TOPAZ1: variants seen among roughly 807,000 people sequenced by gnomAD.
TOPAZ1 encodes testis and ovary specific TOPAZ 1.
A neutral mutation model predicts 172.2 loss-of-function variants in TOPAZ1; 66 were observed. The observed-to-expected ratio is 0.38, with a 90% CI of 0.31 to 0.47. The LOEUF is 0.47. Among genes scored for constraint, TOPAZ1 ranks in the 20% least tolerant of loss-of-function variants. The pLI, the probability that TOPAZ1 is intolerant of heterozygous loss-of-function variation, is 0.99. For synonymous variants in TOPAZ1, 681 were observed against 683.9 expected (o/e 1.00, Z 0.07); for missense variants, 1,822 against 1,972.4 (o/e 0.92, Z 1.44).
chr3:44,310,447 C>T (rs1700386187), intron 16 of TOPAZ1, among the ~76,000 whole-genome samples: 1 of 151,944 alleles, frequency 6.6e-6, no homozygotes, highest in Non-Finnish European at 1.5e-5. Flanking sequence ...TGCAGTGAGC[C>T]GAGATCGCGC....
intron 8 of TOPAZ1, among the ~76,000 whole-genome samples, chr3:44,276,624 CTTTTTTTTTTTTTTTT>C (rs762865769): frequency 8.3e-5 from 2 of 24,124 alleles, no homozygotes; most frequent in African/African-American, 1.9e-4. Context: ...CAGCTTTGTT[CTTTTTTTTTTTTTTTT>C]TTTTTTTTTT....
chr3:44,243,018 GAAATAA>G lies in TOPAZ1; in HGVS notation c.516_521del (p.Asn172_Lys173del). ...ATAGAAGGTATTAAAAGAAGAATTCGAAATAAAAAACTTAAAAGCTTAGAAAACCCA... is the reference window on the plus strand; with the variant it reads ...ATAGAAGGTATTAAAAGAAGAATTCGAAAACTTAAAAGCTTAGAAAACCCA... On this transcript the variant is annotated inframe_deletion, in exon 2 of 20. Transcript: ENST00000309765. 1 of 1,543,188 alleles carries G rather than the reference GAAATAA, an allele frequency of 6.5e-7. No homozygotes were observed. The highest frequency in any genetic ancestry group is 8.7e-7 in the Non-Finnish European group (1 of 1,144,980).
chr3:44,319,469 T>G (rs1457153683), intron 16 of TOPAZ1, among the ~76,000 whole-genome samples: 1 of 152,172 alleles, frequency 6.6e-6, no homozygotes, highest in Non-Finnish European at 1.5e-5. Context: ...TTTTTGTACA[T>G]GGGATATATC....
chr3:44,319,506 TTCAA>T (rs1306623461), intron 16 of TOPAZ1, among the ~76,000 whole-genome samples: 2 of 152,212 alleles, frequency 1.3e-5, no homozygotes, highest in Non-Finnish European at 2.9e-5. Context: ...ATTGAACTTA[TTCAA>T]TCAAAGTAAA....
chr3:44,335,487 G>A (rs1014992251), downstream of TOPAZ1, among the ~76,000 whole-genome samples: 11 of 152,046 alleles, frequency 7.2e-5, no homozygotes, highest in South Asian at 2.1e-4. Context: ...AGCTGGGCGC[G>A]GTGGTGCACA....
chr3:44,248,936 T>C (rs994510846), intron 2 of TOPAZ1, among the ~76,000 whole-genome samples: 11 of 152,132 alleles, frequency 7.2e-5, no homozygotes, highest in African/African-American at 2.7e-4. Context: ...TTGTTTTTAG[T>C]CTCCACAGTG....
In TOPAZ1 at chr3:44,285,847, T is replaced by C. The variant is rs560508989; in HGVS notation, c.3437-1542T>C. ...CCTCCCAAAGTGCTGGAATTACAGG[T>C]GCGAGCCACCACGCCTGGCCGAGAG... On this transcript the variant is annotated intron_variant, in intron 9 of 19. Coordinates refer to ENST00000309765, the MANE Select transcript of TOPAZ1 (RefSeq NM_001145030.2). Among the ~76,000 whole-genome samples, 3 of 151,294 alleles carry C rather than the reference T, an allele frequency of 2.0e-5. No homozygotes were observed. The South Asian group carries it at 6.3e-4, about 32-fold the overall frequency.
At chr3:44,261,399 T>C (rs896264690) in intron 4 of TOPAZ1, among the ~76,000 whole-genome samples, 1 of 152,176 alleles carries the variant, frequency 6.6e-6, no homozygotes, top group Non-Finnish European at 1.5e-5. Flanking sequence ...CCCAGCACCA[T>C]TTATTGAATA....
intron 17 of TOPAZ1, among the ~76,000 whole-genome samples, chr3:44,321,424 T>C (rs1053211744): frequency 2.6e-5 from 4 of 152,232 alleles, no homozygotes; most frequent in African/African-American, 7.2e-5. Flanking sequence ...AAGACAAGCA[T>C]TTTTATCATT....
intron 8 of TOPAZ1, among the ~76,000 whole-genome samples, chr3:44,274,173 G>A (rs1018489002): frequency 4.6e-5 from 7 of 151,278 alleles, no homozygotes; most frequent in Non-Finnish European, 1.0e-4. Context: ...ACTTTGGGAG[G>A]GTGAGGCAGG....
chr3:44,295,249 C>T (rs1700182682), intron 12 of TOPAZ1, among the ~76,000 whole-genome samples: 1 of 152,154 alleles, frequency 6.6e-6, no homozygotes, highest in African/African-American at 2.4e-5. Flanking sequence ...AACATATGCA[C>T]ACCCAAGGTT....
At chr3:44,330,031 C>T (rs1391062092) in intron 19 of TOPAZ1, among the ~76,000 whole-genome samples, 1 of 152,182 alleles carries the variant, frequency 6.6e-6, no homozygotes, top group Admixed American at 6.5e-5. Context: ...CAACAGCCTA[C>T]TATCCAAAGT....
intron 2 of TOPAZ1, among the ~76,000 whole-genome samples, chr3:44,250,511 C>T (rs1699618424): frequency 6.6e-6 from 1 of 152,022 alleles, no homozygotes; most frequent in South Asian, 2.1e-4. Flanking sequence ...TGAAAAAATT[C>T]TGAGGTTGAA....
intron 16 of TOPAZ1, among the ~76,000 whole-genome samples, chr3:44,320,290 G>GAC (rs1288330596): frequency 6.6e-6 from 1 of 151,818 alleles, no homozygotes; most frequent in Non-Finnish European, 1.5e-5. Flanking sequence ...TTTTAAAATA[G>GAC]AAAGTGTTAA....
chr3:44,310,017 A>C, intron 16 of TOPAZ1, 27 bp downstream of exon 16: 2 of 1,520,318 alleles, frequency 1.3e-6, no homozygotes, highest in Non-Finnish European at 1.8e-6. Context: ...GCAAGCATAA[A>C]ATAATTCGTT....
chr3:44,297,794 GCAGCACAAAAAT>G (rs1172597461), intron 12 of TOPAZ1, among the ~76,000 whole-genome samples: 6 of 151,542 alleles, frequency 4.0e-5, no homozygotes, highest in African/African-American at 1.5e-4. Flanking sequence ...CAGCAAGGTT[GCAGCACAAAAAT>G]CAACACAAAA....
chr3:44,250,668 G>T (rs1170413682), intron 2 of TOPAZ1, among the ~76,000 whole-genome samples: 3 of 152,154 alleles, frequency 2.0e-5, no homozygotes, highest in Non-Finnish European at 2.9e-5. Context: ...CGGCATTTTG[G>T]TTCTTCCTAT....
At position 44,270,720 on chromosome 3, in the gene TOPAZ1, T is replaced by C; in HGVS notation, c.3282T>C (p.Tyr1094=). Reference sequence around the variant, plus strand: ...AGTCCCTAGGGTTGATGATACCCTATAAATATTGCAAATTTCATTTTAATA... The same window carrying C: ...AGTCCCTAGGGTTGATGATACCCTACAAATATTGCAAATTTCATTTTAATA... ...FQKSLGLMIP[Y]KYCKFHFNTL... is the part of the protein sequence containing the mutation. The change falls in exon 8 of 20, where the codon TAT becomes TAC. Residue 1094 remains tyrosine, a synonymous_variant. Transcript: ENST00000309765. The C allele has an allele frequency of 1.3e-6, 2 of 1,550,752 alleles. No homozygotes were observed. Among genetic ancestry groups the C allele is most frequent in the Non-Finnish European group, 1.7e-6 (2 of 1,146,348 alleles).
chr3:44,281,282 A>C (rs1700020827), intron 8 of TOPAZ1, among the ~76,000 whole-genome samples: 1 of 152,196 alleles, frequency 6.6e-6, no homozygotes, highest in Admixed American at 6.5e-5. Flanking sequence ...TCACTTCTCC[A>C]CTGAAGTGGC....
Sources: gnomAD v4.1 joint callset for allele counts (sites outside exome capture counted in the v4.1 genomes callset) on GRCh38, gnomAD v4.1.1 for gene constraint, MANE v1.5 for transcripts, NCBI Gene and HGNC (gene_info 2026-07-23, HGNC 2026-07-21) for gene names.